SLC39A12: variants seen among roughly 807,000 people sequenced by gnomAD.
SLC39A12 encodes the protein zinc transporter ZIP12.
In SLC39A12, 63 loss-of-function variants were observed where a neutral mutation model predicts 71.1. That is an observed-to-expected ratio of 0.89 (90% confidence interval 0.72 to 1.09). SLC39A12 has a LOEUF of 1.09. Among genes scored for constraint, SLC39A12 ranks in the 50% least tolerant of loss-of-function variants. The pLI, the probability that SLC39A12 is intolerant of heterozygous loss-of-function variation, is 0.00. For missense variants in SLC39A12, 892 were observed against 812.6 expected, an observed-to-expected ratio of 1.10 and a Z score of -1.19; for synonymous variants, 351 against 301.3, an observed-to-expected ratio of 1.16 and a Z score of -1.71.
At chr10:17,994,962 C>CA (rs1835647397) in intron 9 of SLC39A12, among the ~76,000 whole-genome samples, 3 of 132,950 alleles carry the variant, frequency 2.3e-5, no homozygotes, top group East Asian at 2.2e-4. Flanking sequence ...GGCGCCAAGA[C>CA]GGAAAATATA....
At chr10:18,015,271 T>C (rs1390454903) in intron 12 of SLC39A12, among the ~76,000 whole-genome samples, 1 of 152,224 alleles carries the variant, frequency 6.6e-6, no homozygotes, top group Non-Finnish European at 1.5e-5. Flanking sequence ...ACATGTCTCT[T>C]TGTAATCATT....
At chr10:18,014,039 G>A (rs1836309776) in intron 12 of SLC39A12, among the ~76,000 whole-genome samples, 1 of 152,110 alleles carries the variant, frequency 6.6e-6, no homozygotes, top group African/African-American at 2.4e-5. Flanking sequence ...CGTTTAGTCT[G>A]TACTTTAAGT....
At chr10:17,952,491 C>CTTTTTT (rs11288880) in intron 1 of SLC39A12, among the ~76,000 whole-genome samples, 2 of 128,568 alleles carry the variant, frequency 1.6e-5, no homozygotes, top group African/African-American at 5.9e-5. Context: ...TTTCTTTTTT[C>CTTTTTT]TTTTTTTTTT....
chr10:18,000,236 G>A (rs80134638), intron 10 of SLC39A12, among the ~76,000 whole-genome samples: 4,902 of 152,240 alleles, frequency 0.032, 131 homozygotes, highest in South Asian at 0.081. Context: ...ATACCACCAC[G>A]CTAGGGGAAT....
At position 17,959,231 on chromosome 10, in the gene SLC39A12, C is replaced by T. The variant is rs556425645; in HGVS notation, c.262-2350C>T. On this transcript the variant is annotated intron_variant, in intron 2 of 12. Transcript: ENST00000377369. ...AGCTACCAAGGTGTGGACTTTTCTT[C>T]TGGGCTACTTAGGAAACAGAAAAGG... Among the ~76,000 whole-genome samples, 15 of 152,078 alleles carry T rather than the reference C, an allele frequency of 9.9e-5. No homozygotes were observed. In the East Asian group the frequency reaches 1.2e-3, roughly 12 times the overall value.
chr10:18,040,769 CAA>C (rs34842202), intron 12 of SLC39A12, among the ~76,000 whole-genome samples: 25 of 94,656 alleles, frequency 2.6e-4, no homozygotes, highest in South Asian at 1.0e-3. Flanking sequence ...AACTCCATCT[CAA>C]AAAAAAAAAA....
intron 12 of SLC39A12, among the ~76,000 whole-genome samples, chr10:18,040,603 C>T (rs557431689): frequency 6.1e-4 from 93 of 152,036 alleles, no homozygotes; most frequent in African/African-American, 2.2e-3. Context: ...AACCCTGTCT[C>T]TACTAAAAAT....
In SLC39A12 at chr10:18,000,785, T is replaced by G; in HGVS notation, c.1719T>G (p.Thr573=). 6.2e-7 allele frequency: 1 copy of G among 1,614,158 alleles called. No homozygotes were observed. Residue 573 remains threonine, a synonymous_variant, in exon 11 of 13, where the codon ACT becomes ACG. Transcript: ENST00000377369. ...FSSSSESGVT[T]TIAILCHEIP... ...CATCATCCGAGTCAGGAGTGACCAC[T>G]ACGATTGCTATCTTGTGTCATGAAA... is the stretch of plus-strand genomic sequence containing the variant.
chr10:17,988,626 G>T (rs944736184), intron 7 of SLC39A12, among the ~76,000 whole-genome samples: 7 of 152,302 alleles, frequency 4.6e-5, no homozygotes, highest in African/African-American at 1.7e-4. Flanking sequence ...CCAGAAGGCT[G>T]CATCTCCTCA....
intron 12 of SLC39A12, among the ~76,000 whole-genome samples, chr10:18,036,890 G>A (rs565628712): frequency 6.7e-6 from 1 of 149,752 alleles, no homozygotes; most frequent in Non-Finnish European, 1.5e-5. Context: ...AGGTTTAAAC[G>A]ATTCTCTTGC....
intron 4 of SLC39A12, among the ~76,000 whole-genome samples, chr10:17,970,448 T>C (rs1270631170): frequency 6.6e-6 from 1 of 152,192 alleles, no homozygotes; most frequent in African/African-American, 2.4e-5. Context: ...TCTTGGTGTC[T>C]TCTTCAGTTT....
rs1054582185 is a variant in SLC39A12, at chr10:17,965,364, G to A, written c.544-119G>A. The stretch of plus-strand genomic sequence containing the variant: ...AAGATGATAGTCATATTCCTCAAAT[G>A]ATTCAATTTTCTTTTAGAAAAACAA... On this transcript the variant is annotated intron_variant, in intron 3 of 12. Transcript: ENST00000377369. The A allele has an allele frequency of 4.6e-5, 37 of 798,946 alleles. 1 individual carries two copies. The South Asian group carries it at 6.3e-4, about 14-fold the overall frequency. 49.5% of individuals were successfully genotyped at this position (798,946 alleles called of 1,614,324 possible).
chr10:17,974,438 G>A (rs762556563), intron 4 of SLC39A12, among the ~76,000 whole-genome samples: 13 of 152,136 alleles, frequency 8.5e-5, no homozygotes, highest in Non-Finnish European at 1.8e-4. Flanking sequence ...AAAGGACTTA[G>A]GTGTATGATC....
At chr10:18,041,477 C>T (rs574401939) in intron 12 of SLC39A12, among the ~76,000 whole-genome samples, 1 of 148,948 alleles carries the variant, frequency 6.7e-6, no homozygotes, top group African/African-American at 2.5e-5. Flanking sequence ...GCCTGGGTGA[C>T]AGAGTGAGAC....
chr10:18,017,676 T>C (rs917961843), intron 12 of SLC39A12, among the ~76,000 whole-genome samples: 7 of 152,344 alleles, frequency 4.6e-5, no homozygotes, highest in African/African-American at 1.7e-4. Flanking sequence ...TTTACTCCTT[T>C]ATCAAAGATC....
chr10:18,022,929 G>A (rs182251073), intron 12 of SLC39A12, among the ~76,000 whole-genome samples: 122 of 152,244 alleles, frequency 8.0e-4, no homozygotes, highest in Middle Eastern at 6.8e-3. Context: ...TGAAATTTGG[G>A]CTCTAATCCA....
intron 8 of SLC39A12, among the ~76,000 whole-genome samples, chr10:17,992,975 A>G (rs562423783): frequency 6.6e-6 from 1 of 152,354 alleles, no homozygotes; most frequent in South Asian, 2.1e-4. Context: ...AAATAAAAAG[A>G]CAGTGTAAAA....
intron 6 of SLC39A12, among the ~76,000 whole-genome samples, chr10:17,983,185 A>G (rs1396330534): frequency 2.0e-5 from 3 of 149,230 alleles, no homozygotes; most frequent in African/African-American, 7.4e-5. Context: ...AAAAAAAAAA[A>G]AAAAAAAAAA....
At chr10:18,027,669 T>G (rs1836716595) in intron 12 of SLC39A12, among the ~76,000 whole-genome samples, 1 of 152,354 alleles carries the variant, frequency 6.6e-6, no homozygotes, top group South Asian at 2.1e-4. Flanking sequence ...TTTGCTCTGG[T>G]AAGTTGTGAT....
Sources: gnomAD v4.1 joint callset for allele counts (sites outside exome capture counted in the v4.1 genomes callset) on GRCh38, gnomAD v4.1.1 for gene constraint, MANE v1.5 for transcripts, NCBI Gene and HGNC (gene_info 2026-07-23, HGNC 2026-07-21) for gene names.